Variants in IQSEC1 observed in about 807,000 individuals in gnomAD.
IQSEC1 encodes IQ motif and SEC7 domain-containing protein 1.
IQSEC1 carries 31 observed loss-of-function variants against 91.0 expected under a neutral mutation model. The observed-to-expected ratio is 0.34, with a 90% CI of 0.26 to 0.46. The LOEUF is 0.46. Ranked by LOEUF, IQSEC1 falls within the 20% of genes least tolerant of loss-of-function variation. The pLI, the probability that IQSEC1 is intolerant of heterozygous loss-of-function variation, is 1.00. For missense variants in IQSEC1, 1,388 were observed against 1,575.6 expected (o/e 0.88, Z 2.02); for synonymous variants, 699 against 662.6 (o/e 1.05, Z -0.84).
At chr3:13,137,695 T>A (rs1391035203) in intron 2 of IQSEC1, among the ~76,000 whole-genome samples, 1 of 152,192 alleles carries the variant, frequency 6.6e-6, no homozygotes, top group East Asian at 1.9e-4. Context: ...CAGTGGCCTG[T>A]GCCTGTGGTC....
At chr3:12,912,666 G>A (rs112528258) in intron 9 of IQSEC1, among the ~76,000 whole-genome samples, 1,140 of 96,294 alleles carry the variant, frequency 0.012, 11 homozygotes, top group Non-Finnish European at 0.014. Context: ...GCGAGACTCC[G>A]TCTCAAAAAA....
intron 2 of IQSEC1, among the ~76,000 whole-genome samples, chr3:13,112,777 C>A (rs1706270718): frequency 6.6e-6 from 1 of 152,236 alleles, no homozygotes; most frequent in South Asian, 2.1e-4. Context: ...GCCACACAGG[C>A]CTGACCACAG....
At chr3:13,112,959 T>A (rs991710418) in intron 2 of IQSEC1, among the ~76,000 whole-genome samples, 10 of 152,370 alleles carry the variant, frequency 6.6e-5, no homozygotes, top group African/African-American at 2.4e-4. Context: ...TTCATTCTGC[T>A]GTGATTAAAA....
chr3:13,181,128 G>A (rs1011989158), intron 1 of IQSEC1, among the ~76,000 whole-genome samples: 49 of 152,142 alleles, frequency 3.2e-4, no homozygotes, highest in African/African-American at 9.4e-4. Context: ...AAAATTAGCC[G>A]GGCGTGGTGG....
chr3:13,042,620 C>A (rs376986143), intron 1 of IQSEC1, among the ~76,000 whole-genome samples: 7 of 152,358 alleles, frequency 4.6e-5, no homozygotes, highest in East Asian at 3.9e-4. Flanking sequence ...TCTCTGTTAG[C>A]TGGTGCCTCC....
At chr3:13,039,415 T>C (rs1704167921) in intron 1 of IQSEC1, among the ~76,000 whole-genome samples, 1 of 152,254 alleles carries the variant, frequency 6.6e-6, no homozygotes, top group African/African-American at 2.4e-5. Flanking sequence ...TGGTTAATTA[T>C]GCATTGTCTG....
At chr3:13,263,400 GA>G (rs552119110) in intron 1 of IQSEC1, among the ~76,000 whole-genome samples, 14 of 135,642 alleles carry the variant, frequency 1.0e-4, no homozygotes, top group South Asian at 2.5e-4. Context: ...CCTTTGGGGG[GA>G]AAAAAGTACC....
Position 12,898,660 on chromosome 3 carries a change from C to CAGTT in IQSEC1, c.*2319_*2322dup, listed in dbSNP as rs1446552238. 4 of 152,260 alleles carry CAGTT rather than the reference C, an allele frequency of 2.6e-5. No individual in the cohort carries two copies. The highest frequency in any genetic ancestry group is 9.6e-5 in the African/African-American group (4 of 41,454). The allele number at this position is 152,260 out of a possible 1,614,324, so 9.4% of individuals were successfully genotyped here. On this transcript the variant is annotated 3_prime_UTR_variant, in exon 14 of 14. Coordinates refer to ENST00000613206, the MANE Select transcript of IQSEC1 (RefSeq NM_001134382.3). ...CTTTTCTGGAACAACCTAAAGGTTA[C>CAGTT]AGTTAGACTCTCCTCCCAGCACAGA...
intron 1 of IQSEC1, among the ~76,000 whole-genome samples, chr3:13,223,649 C>T (rs9813558): frequency 0.2 from 30,975 of 152,172 alleles, 4,558 homozygotes; most frequent in African/African-American, 0.4. Flanking sequence ...GATCTGAGAA[C>T]GCAAGTTCCT....
At chr3:13,014,764 G>A (rs1016650906) in intron 1 of IQSEC1, among the ~76,000 whole-genome samples, 5 of 152,142 alleles carry the variant, frequency 3.3e-5, no homozygotes, top group African/African-American at 9.7e-5. Context: ...AGGCTCAGGG[G>A]TTACAGCTCA....
At chr3:13,086,645 T>C (rs1379928595) in intron 2 of IQSEC1, among the ~76,000 whole-genome samples, 1 of 152,220 alleles carries the variant, frequency 6.6e-6, no homozygotes, top group East Asian at 1.9e-4. Context: ...CGCACCTGCC[T>C]GCTCCCTTCC....
intron 2 of IQSEC1, among the ~76,000 whole-genome samples, chr3:13,131,343 AC>A (rs1706612338): frequency 6.6e-6 from 1 of 150,550 alleles, no homozygotes; most frequent in African/African-American, 2.5e-5. Context: ...ATTTTTTTAA[AC>A]CTACTTGTAC....
At chr3:12,931,205 G>A (rs1346420510) in intron 3 of IQSEC1, among the ~76,000 whole-genome samples, 1 of 152,100 alleles carries the variant, frequency 6.6e-6, no homozygotes, top group Admixed American at 6.5e-5. Context: ...CCAGGCCAGG[G>A]CTCGGGATCC....
intron 2 of IQSEC1, among the ~76,000 whole-genome samples, chr3:13,121,072 GC>G (rs1383673106): frequency 6.6e-6 from 1 of 152,228 alleles, no homozygotes; most frequent in African/African-American, 2.4e-5. Flanking sequence ...GAGGAGGCCA[GC>G]ATGGTCGGCA....
At chr3:13,161,427 C>T (rs114091609) in intron 2 of IQSEC1, among the ~76,000 whole-genome samples, 2,424 of 152,284 alleles carry the variant, frequency 0.016, 24 homozygotes, top group Non-Finnish European at 0.023. Context: ...AGACCCCGCA[C>T]GGACACTGCT....
intron 1 of IQSEC1, among the ~76,000 whole-genome samples, chr3:13,032,617 T>A (rs1703886120): frequency 6.6e-6 from 1 of 150,982 alleles, no homozygotes; most frequent in African/African-American, 2.4e-5. Flanking sequence ...GGAGTCTCGC[T>A]CTGTCGCCCA....
At chr3:13,089,500 C>T (rs1465150973) in intron 2 of IQSEC1, among the ~76,000 whole-genome samples, 1 of 151,816 alleles carries the variant, frequency 6.6e-6, no homozygotes, top group Non-Finnish European at 1.5e-5. Flanking sequence ...TGGGAGGATC[C>T]CTTGAGCCCA....
chr3:13,096,278 G>A (rs1171560070), intron 2 of IQSEC1, among the ~76,000 whole-genome samples: 1 of 152,244 alleles, frequency 6.6e-6, no homozygotes, highest in African/African-American at 2.4e-5. Context: ...TAGCTCTTGG[G>A]GAGCTCACAG....
chr3:13,202,414 G>A (rs1257423351), intron 1 of IQSEC1, among the ~76,000 whole-genome samples: 1 of 152,188 alleles, frequency 6.6e-6, no homozygotes, highest in African/African-American at 2.4e-5. Flanking sequence ...AGTGACCATC[G>A]ATGGAGGAAT....
Sources: gnomAD v4.1 joint callset for allele counts (sites outside exome capture counted in the v4.1 genomes callset) on GRCh38, gnomAD v4.1.1 for gene constraint, MANE v1.5 for transcripts, NCBI Gene and HGNC (gene_info 2026-07-23, HGNC 2026-07-21) for gene names.